Variants in HPSE2 observed in about 807,000 individuals in gnomAD.
HPSE2 encodes inactive heparanase-2.
Under a neutral mutation model 60.5 loss-of-function variants are expected in HPSE2, and 38 were observed. The observed-to-expected ratio is 0.63, with a 90% CI of 0.48 to 0.82. The LOEUF is 0.82. Among genes scored for constraint, HPSE2 ranks in the 40% least tolerant of loss-of-function variants. The pLI is 0.00. For synonymous variants in HPSE2, 295 were observed against 293.2 expected (o/e 1.01, Z -0.06); for missense variants, 713 against 740.4 (o/e 0.96, Z 0.43).
At chr10:99,238,706 C>T (rs1411155794), upstream of HPSE2, among the ~76,000 whole-genome samples, 1 of 152,136 alleles carries the variant, frequency 6.6e-6, no homozygotes, top group Non-Finnish European at 1.5e-5. Flanking sequence ...TTTTGTCTTG[C>T]CTCTTATCTA....
chr10:99,169,566 C>CTTGTAAAA (rs1253348396), intron 2 of HPSE2, among the ~76,000 whole-genome samples: 2 of 117,166 alleles, frequency 1.7e-5, no homozygotes, highest in Admixed American at 2.0e-4. Context: ...ACCCATTTAA[C>CTTGTAAAA]TTGTAAAATT....
intron 3 of HPSE2, among the ~76,000 whole-genome samples, chr10:99,113,099 G>A (rs1214442330): frequency 6.6e-6 from 1 of 152,138 alleles, no homozygotes; most frequent in Non-Finnish European, 1.5e-5. Flanking sequence ...GGAAGTTTTT[G>A]TAAAGGATAG....
At chr10:98,960,368 T>C (rs1054236437) in intron 3 of HPSE2, among the ~76,000 whole-genome samples, 1 of 152,162 alleles carries the variant, frequency 6.6e-6, no homozygotes, top group African/African-American at 2.4e-5. Flanking sequence ...TATTTTTAGT[T>C]ACGGTCTATT....
chr10:99,166,398 G>A (rs1171943599), intron 2 of HPSE2, among the ~76,000 whole-genome samples: 1 of 152,126 alleles, frequency 6.6e-6, no homozygotes, highest in African/African-American at 2.4e-5. Flanking sequence ...TTTCCAGAAT[G>A]GCTGTATTAT....
rs138615562 is a variant in HPSE2 at position 98,883,484 on chromosome 10, G to C, written c.611-139428C>G. ...GCAGAGTTTTTCAATGTCCAAAATG[G>C]CTAGAAACTTTTAGAGCTAGCTAAT... On this transcript the variant is annotated intron_variant, in intron 3 of 11. Coordinates refer to ENST00000370552, the MANE Select transcript of HPSE2 (RefSeq NM_021828.5). Among the ~76,000 whole-genome samples the C allele has an allele frequency of 9.6e-3, 1,454 of 152,096 alleles. 18 individuals are homozygous for C. Among genetic ancestry groups the C allele is most frequent in the African/African-American group, 0.033 (1,369 of 41,486 alleles).
At chr10:98,993,422 T>C (rs1355470378) in intron 3 of HPSE2, among the ~76,000 whole-genome samples, 1 of 152,246 alleles carries the variant, frequency 6.6e-6, no homozygotes, top group Non-Finnish European at 1.5e-5. Context: ...AGTTTAGGCA[T>C]GTCCCTGTCA....
rs11189895 is a variant in HPSE2 at position 98,941,460 on chromosome 10, C to G, written c.611-197404G>C. On this transcript the variant is annotated intron_variant, in intron 3 of 11. Transcript: ENST00000370552. ...AATAACAGACAGAGAGCCAAATCATCAGTGAACTCCCATTCACAATTGCTT... is the reference window on the plus strand; with the variant it reads ...AATAACAGACAGAGAGCCAAATCATGAGTGAACTCCCATTCACAATTGCTT... 1.4e-3 allele frequency among the ~76,000 whole-genome samples: 196 copies of G among 139,774 alleles called. 16 individuals carry two copies. The highest frequency in any genetic ancestry group is 3.8e-3 in the Middle Eastern group (1 of 266). 91.7% of individuals were successfully genotyped at this position (139,774 alleles called of 152,430 possible).
intron 4 of HPSE2, among the ~76,000 whole-genome samples, chr10:98,737,404 T>C (rs1363000906): frequency 7.2e-6 from 1 of 138,222 alleles, no homozygotes; most frequent in African/African-American, 2.6e-5. Flanking sequence ...AGGTACCCAC[T>C]TCATCTCATT....
chr10:98,472,251 G>A (rs1043509572), intron 11 of HPSE2, among the ~76,000 whole-genome samples: 9 of 150,388 alleles, frequency 6.0e-5, no homozygotes, highest in Non-Finnish European at 1.0e-4. Flanking sequence ...TGTCTATTTC[G>A]GCCTTTCTGA....
At chr10:99,146,526 A>T (rs923959645) in intron 2 of HPSE2, among the ~76,000 whole-genome samples, 3 of 152,332 alleles carry the variant, frequency 2.0e-5, no homozygotes, top group Admixed American at 1.3e-4. Context: ...ATAGACATGA[A>T]GCCCAGAGTT....
At chr10:98,694,503 A>G (rs1433344272) in intron 5 of HPSE2, among the ~76,000 whole-genome samples, 1 of 152,206 alleles carries the variant, frequency 6.6e-6, no homozygotes, top group Non-Finnish European at 1.5e-5. Flanking sequence ...AGAGAAATCT[A>G]TCATCTACTT....
intron 6 of HPSE2, among the ~76,000 whole-genome samples, chr10:98,684,250 C>T (rs775801120): frequency 1.3e-5 from 2 of 152,170 alleles, no homozygotes; most frequent in Middle Eastern, 3.4e-3. Context: ...GCAATCAACC[C>T]GTCCAGATGG....
chr10:98,608,040 C>A (rs1255723794), intron 9 of HPSE2, among the ~76,000 whole-genome samples: 1 of 152,122 alleles, frequency 6.6e-6, no homozygotes, highest in Non-Finnish European at 1.5e-5. Flanking sequence ...ATCTTTCCAA[C>A]AACCCTCTGA....
chr10:98,906,697 A>G (rs1953826291), intron 3 of HPSE2, among the ~76,000 whole-genome samples: 1 of 152,122 alleles, frequency 6.6e-6, no homozygotes, highest in Admixed American at 6.5e-5. Flanking sequence ...TGAGGTCAAG[A>G]GATCGAGACC....
chr10:98,494,627 T>C (rs1037926146), intron 9 of HPSE2, among the ~76,000 whole-genome samples: 1 of 152,240 alleles, frequency 6.6e-6, no homozygotes, highest in Non-Finnish European at 1.5e-5. Context: ...TATTTATTCC[T>C]AATTAGACAG....
the HPSE2 span, among the ~76,000 whole-genome samples, chr10:99,264,727 T>A: frequency 1.3e-5 from 2 of 152,254 alleles, no homozygotes; most frequent in African/African-American, 4.8e-5. Flanking sequence ...TTCCGTTTAG[T>A]TTCTCAATTC....
intron 3 of HPSE2, among the ~76,000 whole-genome samples, chr10:99,128,376 T>C (rs899836094): frequency 2.0e-5 from 3 of 152,110 alleles, no homozygotes; most frequent in African/African-American, 7.2e-5. Flanking sequence ...GATATATGTA[T>C]GCATATGTTC....
At chr10:98,956,396 A>G (rs1263894768) in intron 3 of HPSE2, among the ~76,000 whole-genome samples, 1 of 152,212 alleles carries the variant, frequency 6.6e-6, no homozygotes, top group Non-Finnish European at 1.5e-5. Context: ...GTTTGGCTGC[A>G]TATACAAACT....
At chr10:99,146,858 C>CA (rs556806156) in intron 2 of HPSE2, among the ~76,000 whole-genome samples, 47 of 151,116 alleles carry the variant, frequency 3.1e-4, no homozygotes, top group African/African-American at 9.9e-4. Context: ...GAGACTCCAT[C>CA]AAAAAAAATA....
Sources: allele counts gnomAD v4.1 joint callset (sites outside exome capture counted in the v4.1 genomes callset), GRCh38; gene constraint gnomAD v4.1.1; transcripts MANE v1.5; gene names NCBI Gene and HGNC (gene_info 2026-07-23, HGNC 2026-07-21).